CCDC7: variants seen among roughly 807,000 people sequenced by gnomAD.
The protein encoded by CCDC7 is coiled-coil domain containing 7.
In CCDC7, 183 loss-of-function variants were observed where a neutral mutation model predicts 196.9. That is an observed-to-expected ratio of 0.93 (90% CI 0.82 to 1.05). The LOEUF (loss-of-function observed/expected upper bound fraction) is 1.05, where lower values mean the gene tolerates loss of function less well. Ranked by LOEUF, CCDC7 falls within the 50% of genes least tolerant of loss-of-function variation. The pLI is 0.00. For synonymous variants in CCDC7, 525 were observed against 484.6 expected, an observed-to-expected ratio of 1.08 and a Z score of -1.10; for missense variants, 1,540 against 1,482.2, an observed-to-expected ratio of 1.04 and a Z score of -0.64.
intron 28 of CCDC7, among the ~76,000 whole-genome samples, chr10:32,768,897 G>A (rs549957733): frequency 1.3e-5 from 2 of 152,232 alleles, no homozygotes; most frequent in African/African-American, 4.8e-5. Flanking sequence ...TATTTTTGAT[G>A]TGCTATTGGA....
chr10:32,821,631 A>G (rs2090215928), intron 31 of CCDC7, among the ~76,000 whole-genome samples: 1 of 152,256 alleles, frequency 6.6e-6, no homozygotes, highest in Non-Finnish European at 1.5e-5. Context: ...CTATGCAACC[A>G]TAAAAAAGGA....
intron 28 of CCDC7, among the ~76,000 whole-genome samples, chr10:32,764,568 G>A (rs2077976935): frequency 6.6e-6 from 1 of 151,908 alleles, no homozygotes; most frequent in South Asian, 2.1e-4. Context: ...AAGTGAAGTT[G>A]AAATGCAGAA....
At chr10:32,565,606 A>G (rs1299080336) in exon 14 of CCDC7, 2 of 1,610,030 alleles carry the variant, frequency 1.2e-6, no homozygotes, top group South Asian at 2.2e-5. Context: ...GGAGCAATTG[A>G]AACAGGCTTT....
intron 20 of CCDC7, among the ~76,000 whole-genome samples, chr10:32,638,603 TTTCTGATGTGC>T (rs1230654149): frequency 3.0e-4 from 46 of 152,332 alleles, no homozygotes; most frequent in African/African-American, 1.1e-3. Flanking sequence ...GTGGATAAGC[TTTCTGATGTGC>T]TTCTGGATTC....
At chr10:32,675,081 A>G (rs2074698963) in intron 21 of CCDC7, among the ~76,000 whole-genome samples, 1 of 152,080 alleles carries the variant, frequency 6.6e-6, no homozygotes, top group African/African-American at 2.4e-5. Flanking sequence ...TGTTAACTTT[A>G]ACCTATTTAT....
intron 5 of CCDC7, among the ~76,000 whole-genome samples, chr10:32,467,842 G>A (rs1466479997): frequency 6.6e-6 from 1 of 152,172 alleles, no homozygotes; most frequent in African/African-American, 2.4e-5. Context: ...TGAATAGGGA[G>A]TCCTTTCTTC....
chr10:32,797,222 CATAT>C (rs35537060), intron 29 of CCDC7, among the ~76,000 whole-genome samples: 1 of 148,352 alleles, frequency 6.7e-6, no homozygotes, highest in African/African-American at 2.5e-5. Flanking sequence ...TACACACACA[CATAT>C]ATATGTGTAT....
At chr10:32,536,682 A>G (rs1426148484) in intron 11 of CCDC7, among the ~76,000 whole-genome samples, 4 of 152,146 alleles carry the variant, frequency 2.6e-5, no homozygotes, top group Non-Finnish European at 5.9e-5. Context: ...ACTCTCAAGT[A>G]GGCCCCAATG....
intron 23 of CCDC7, among the ~76,000 whole-genome samples, chr10:32,690,602 A>G (rs899309099): frequency 6.6e-6 from 1 of 152,234 alleles, no homozygotes; most frequent in East Asian, 1.9e-4. Flanking sequence ...CTACTTAGTT[A>G]TTGAATGGAG....
chr10:32,660,369 T>C (rs983907794), intron 20 of CCDC7, among the ~76,000 whole-genome samples: 2 of 139,958 alleles, frequency 1.4e-5, no homozygotes, highest in Non-Finnish European at 1.5e-5. Flanking sequence ...AGTGAGAATA[T>C]GTGGTGTTTG....
intron 9 of CCDC7, among the ~76,000 whole-genome samples, chr10:32,506,609 C>T (rs1475925010): frequency 2.0e-5 from 3 of 152,154 alleles, no homozygotes; most frequent in East Asian, 1.9e-4. Context: ...CCCAGCACCT[C>T]GGGAGGCCGA....
chr10:32,479,954 G>T (rs975695101), intron 8 of CCDC7, among the ~76,000 whole-genome samples: 1 of 151,606 alleles, frequency 6.6e-6, no homozygotes, highest in Non-Finnish European at 1.5e-5. Flanking sequence ...ATGTGTCTAT[G>T]AATTATCCAG....
At chr10:32,633,818 T>C (rs940939503) in intron 18 of CCDC7, among the ~76,000 whole-genome samples, 16 of 151,654 alleles carry the variant, frequency 1.1e-4, no homozygotes, top group African/African-American at 3.6e-4. Context: ...GCAGAAGGTA[T>C]ACTTAGAGCA....
At chr10:32,667,061 C>T (rs976356812) in intron 21 of CCDC7, among the ~76,000 whole-genome samples, 10 of 152,076 alleles carry the variant, frequency 6.6e-5, no homozygotes, top group Admixed American at 3.9e-4. Context: ...TTTTAATGAT[C>T]ACCATTCTAA....
At chr10:32,479,844 T>C (rs2039645109) in intron 8 of CCDC7, among the ~76,000 whole-genome samples, 1 of 152,108 alleles carries the variant, frequency 6.6e-6, no homozygotes, top group South Asian at 2.1e-4. Flanking sequence ...TTTTCTTTTT[T>C]TTTTTTTAGT....
chr10:32,713,782 A>AT (rs1267970646), intron 25 of CCDC7, among the ~76,000 whole-genome samples: 1 of 151,922 alleles, frequency 6.6e-6, no homozygotes, highest in African/African-American at 2.4e-5. Flanking sequence ...CATGATTGCC[A>AT]TTTTTTTGCC....
chr10:32,511,768 A>G, intron 9 of CCDC7: 1 of 1,484,980 alleles, frequency 6.7e-7, no homozygotes, highest in Non-Finnish European at 9.3e-7. Flanking sequence ...CTTCGACTCC[A>G]GCCTCCCGGA....
chr10:32,552,029 C>T (rs2053566093), intron 13 of CCDC7, among the ~76,000 whole-genome samples: 1 of 152,140 alleles, frequency 6.6e-6, no homozygotes, highest in Non-Finnish European at 1.5e-5. Context: ...GTGTTGCTGT[C>T]TATCTCATGT....
At chr10:32,627,573 A>T (rs956510316) in intron 18 of CCDC7, among the ~76,000 whole-genome samples, 2 of 151,964 alleles carry the variant, frequency 1.3e-5, no homozygotes, top group Non-Finnish European at 2.9e-5. Context: ...GAGAGTGGGC[A>T]TTCTTGTCTT....
Sources: gnomAD v4.1 joint callset for allele counts (sites outside exome capture counted in the v4.1 genomes callset) on GRCh38, gnomAD v4.1.1 for gene constraint, MANE v1.5 for transcripts, NCBI Gene and HGNC (gene_info 2026-07-23, HGNC 2026-07-21) for gene names.